The following RPSA2 variants were observed in gnomAD, a reference collection of about 807,000 sequenced individuals.
RPSA2 encodes small ribosomal subunit protein uS2B.
the RPSA2 span, among the ~76,000 whole-genome samples, chr19:23,765,377 A>G: frequency 8.5e-5 from 13 of 152,220 alleles, no homozygotes; most frequent in Non-Finnish European, 2.9e-5. Flanking sequence ...TAGCAAAGAC[A>G]TGGAATCAAC....
the RPSA2 span, chr19:23,790,846 G>T: frequency 1.9e-6 from 1 of 532,474 alleles, no homozygotes. Flanking sequence ...AGCTGTGGTG[G>T]GACTCAGGCC....
At chr19:23,822,304 A>G in the RPSA2 span, among the ~76,000 whole-genome samples, 1 of 152,196 alleles carries the variant, frequency 6.6e-6, no homozygotes, top group Non-Finnish European at 1.5e-5. Context: ...CCCTGAGCAT[A>G]TGCCTGGACA....
At chr19:23,838,452 A>G in the RPSA2 span, among the ~76,000 whole-genome samples, 6 of 152,118 alleles carry the variant, frequency 3.9e-5, no homozygotes, top group Non-Finnish European at 2.9e-5. Context: ...GCTTCATAGA[A>G]TGAATTAGGG....
the RPSA2 span, chr19:23,758,922 G>T: frequency 1.3e-6 from 1 of 789,902 alleles, no homozygotes; most frequent in Non-Finnish European, 2.1e-6. Flanking sequence ...AAGCCGCCCT[G>T]TCTGCTCCAG....
At chr19:23,779,145 C>T in the RPSA2 span, among the ~76,000 whole-genome samples, 1,023 of 152,070 alleles carry the variant, frequency 6.7e-3, 14 homozygotes, top group African/African-American at 0.023. Context: ...GGACTACAGG[C>T]GCCCGCCACC....
the RPSA2 span, among the ~76,000 whole-genome samples, chr19:23,769,589 C>G: frequency 6.6e-6 from 1 of 152,206 alleles, no homozygotes; most frequent in Non-Finnish European, 1.5e-5. Context: ...AGTGATCCAC[C>G]TGCCTTGACC....
At chr19:23,856,931 A>G in the RPSA2 span, among the ~76,000 whole-genome samples, 1 of 152,184 alleles carries the variant, frequency 6.6e-6, no homozygotes, top group Admixed American at 6.5e-5. Context: ...GTCTTGTTAA[A>G]CATCTTAACA....
the RPSA2 span, among the ~76,000 whole-genome samples, chr19:23,855,672 G>T: frequency 6.6e-6 from 1 of 152,176 alleles, no homozygotes; most frequent in African/African-American, 2.4e-5. Context: ...GTGTGAGAAA[G>T]GGGCATGGGG....
chr19:23,854,251 G>A, the RPSA2 span, among the ~76,000 whole-genome samples: 26 of 152,266 alleles, frequency 1.7e-4, no homozygotes, highest in East Asian at 4.8e-3. Context: ...CTAACACCAG[G>A]CCCACTGAAC....
chr19:23,777,040 C>G, the RPSA2 span, among the ~76,000 whole-genome samples: 14 of 152,120 alleles, frequency 9.2e-5, no homozygotes, highest in Non-Finnish European at 1.8e-4. Context: ...ACTCTCCTCT[C>G]ATGCCTGGGC....
chr19:23,832,080 T>C, the RPSA2 span: 3 of 453,560 alleles, frequency 6.6e-6, no homozygotes, highest in Non-Finnish European at 1.3e-5. Context: ...GCAAAGCTTT[T>C]AAGCAACACT....
At chr19:23,844,695 A>G in the RPSA2 span, among the ~76,000 whole-genome samples, 2 of 21,332 alleles carry the variant, frequency 9.4e-5, no homozygotes, top group African/African-American at 2.2e-4. Flanking sequence ...TAATTTGTCC[A>G]TTTTTTTATA....
At chr19:23,761,052 G>GTGTGTA in the RPSA2 span, among the ~76,000 whole-genome samples, 6 of 148,008 alleles carry the variant, frequency 4.1e-5, no homozygotes, top group African/African-American at 1.5e-4. Flanking sequence ...GTATATATGT[G>GTGTGTA]TATATATATA....
chr19:23,852,623 G>C, the RPSA2 span, among the ~76,000 whole-genome samples: 1,839 of 152,254 alleles, frequency 0.012, 17 homozygotes, highest in Non-Finnish European at 0.018. Context: ...GCGATTTTCC[G>C]CCTGGGTGGG....
chr19:23,797,405 G>A, the RPSA2 span, among the ~76,000 whole-genome samples: 1 of 152,186 alleles, frequency 6.6e-6, no homozygotes, highest in African/African-American at 2.4e-5. Context: ...ACCATGCCCA[G>A]CCCTGGCCTG....
chr19:23,804,208 G>A, the RPSA2 span, among the ~76,000 whole-genome samples: 1 of 151,988 alleles, frequency 6.6e-6, no homozygotes, highest in Non-Finnish European at 1.5e-5. Flanking sequence ...TTAAGATAAA[G>A]AATGGTTGTC....
chr19:23,831,395 A>T, the RPSA2 span, among the ~76,000 whole-genome samples: 1 of 152,082 alleles, frequency 6.6e-6, no homozygotes, highest in Non-Finnish European at 1.5e-5. Flanking sequence ...GCACACACTT[A>T]TTTATAAATT....
At chr19:23,766,143 C>CTTT in the RPSA2 span, among the ~76,000 whole-genome samples, 10 of 29,428 alleles carry the variant, frequency 3.4e-4, 1 homozygote, top group African/African-American at 1.1e-3. Flanking sequence ...ATTTCATTTC[C>CTTT]TTTTTTTTTT....
At chr19:23,829,609 G>A in the RPSA2 span, among the ~76,000 whole-genome samples, 1 of 152,128 alleles carries the variant, frequency 6.6e-6, no homozygotes, top group Non-Finnish European at 1.5e-5. Flanking sequence ...CCTCTTTTGT[G>A]TATTTATACA....
Sources: allele counts gnomAD v4.1 joint callset (sites outside exome capture counted in the v4.1 genomes callset), GRCh38; gene constraint gnomAD v4.1.1; transcripts MANE v1.5; gene names NCBI Gene and HGNC (gene_info 2026-07-23, HGNC 2026-07-21).